Variants in TMTC2 observed in about 807,000 individuals in gnomAD.
The protein encoded by TMTC2 is protein O-mannosyl-transferase TMTC2.
Under a neutral mutation model 82.4 loss-of-function variants are expected in TMTC2, and 43 were observed. The observed-to-expected ratio is 0.52, with a 90% CI of 0.41 to 0.67. The LOEUF is 0.67. TMTC2 is among the 30% of genes least tolerant of loss of function. The pLI, the probability that TMTC2 is intolerant of heterozygous loss-of-function variation, is 0.00. For missense variants in TMTC2, 919 were observed against 1,012.4 expected (o/e 0.91, Z 1.25); for synonymous variants, 408 against 381.9 (o/e 1.07, Z -0.80).
At chr12:82,880,223 G>C (rs1872756995) in intron 2 of TMTC2, among the ~76,000 whole-genome samples, 1 of 152,174 alleles carries the variant, frequency 6.6e-6, no homozygotes, top group Non-Finnish European at 1.5e-5. Context: ...ACCTATTCAA[G>C]AGTGGAATTT....
intron 1 of TMTC2, among the ~76,000 whole-genome samples, chr12:82,724,478 G>T (rs1874354288): frequency 6.6e-6 from 1 of 152,134 alleles, no homozygotes; most frequent in South Asian, 2.1e-4. Context: ...AGATCTGATG[G>T]TTTAAAAGTG....
chr12:82,985,991 C>A lies in TMTC2; in HGVS notation c.2015C>A (p.Ser672Tyr). Residue 672 changes from serine to tyrosine, a missense_variant, in exon 8 of 12, where the codon TCC becomes TAC. Ser to Tyr is a moderately radical substitution (Grantham distance 144, BLOSUM62 -2). Transcript: ENST00000321196. ...AEHWYMESLR[S>Y]KTDHIPAHLT... is the part of the protein sequence containing the mutation. Reference sequence around the variant, plus strand: ...CATTGGTATATGGAATCACTGAGATCCAAGACTGACCACATCCCTGCTCAT... The same window carrying A: ...CATTGGTATATGGAATCACTGAGATACAAGACTGACCACATCCCTGCTCAT... 6.2e-7 allele frequency: 1 copy of A among 1,614,032 alleles called. No homozygotes were observed. The highest frequency in any genetic ancestry group is 8.5e-7 in the Non-Finnish European group (1 of 1,179,934).
At chr12:83,045,356 A>T (rs1882047913) in intron 9 of TMTC2, among the ~76,000 whole-genome samples, 1 of 152,190 alleles carries the variant, frequency 6.6e-6, no homozygotes, top group Admixed American at 6.5e-5. Context: ...CAACCAAAGA[A>T]ATGAAGTGTA....
chr12:82,872,020 C>A (rs1480010597), intron 2 of TMTC2, among the ~76,000 whole-genome samples: 1 of 141,326 alleles, frequency 7.1e-6, no homozygotes, highest in Non-Finnish European at 1.5e-5. Flanking sequence ...CCCCCCCGCC[C>A]ACACCCCGCA....
chr12:82,961,873 T>G (rs1304209460), intron 4 of TMTC2, among the ~76,000 whole-genome samples: 1 of 152,130 alleles, frequency 6.6e-6, no homozygotes, highest in African/African-American at 2.4e-5. Context: ...CATCCATTCT[T>G]GGGCATAGTT....
At chr12:83,116,453 A>G (rs1389121229) in intron 11 of TMTC2, among the ~76,000 whole-genome samples, 1 of 152,222 alleles carries the variant, frequency 6.6e-6, no homozygotes, top group Admixed American at 6.5e-5. Flanking sequence ...GTAGATACCC[A>G]CTAGTGGGAT....
At chr12:82,836,638 T>C (rs1230311458) in intron 1 of TMTC2, among the ~76,000 whole-genome samples, 2 of 152,324 alleles carry the variant, frequency 1.3e-5, no homozygotes, top group South Asian at 2.1e-4. Flanking sequence ...TTTGGACTTA[T>C]GACCTCCAGA....
intron 9 of TMTC2, among the ~76,000 whole-genome samples, chr12:83,039,081 G>A (rs1257419686): frequency 2.0e-5 from 3 of 151,884 alleles, no homozygotes; most frequent in Non-Finnish European, 2.9e-5. Context: ...ATAGGCACCC[G>A]CCACCATGCC....
At chr12:82,811,882 A>T (rs1868415576) in intron 1 of TMTC2, among the ~76,000 whole-genome samples, 1 of 124,556 alleles carries the variant, frequency 8.0e-6, no homozygotes, top group Non-Finnish European at 1.5e-5. Flanking sequence ...CAGTGGTGTG[A>T]TCTCAGCTCA....
chr12:82,927,075 A>G lies in TMTC2; in HGVS notation c.1484-3356A>G, dbSNP rs567016964. Among the ~76,000 whole-genome samples, 248 of 152,320 alleles carry G rather than the reference A, an allele frequency of 1.6e-3. 1 individual carries two copies. The highest frequency in any genetic ancestry group is 2.6e-3 in the Non-Finnish European group (174 of 68,020). ...TTTGACTTTCAAGTCTTCTAATTTAAGAAGTAACTTTTTGTAAGGATGTAG... is the reference window on the plus strand; with the variant it reads ...TTTGACTTTCAAGTCTTCTAATTTAGGAAGTAACTTTTTGTAAGGATGTAG... On this transcript the variant is annotated intron_variant, in intron 3 of 11. Transcript: ENST00000321196.
intron 3 of TMTC2, among the ~76,000 whole-genome samples, chr12:82,921,675 C>G (rs1334473140): frequency 6.6e-6 from 1 of 152,038 alleles, no homozygotes; most frequent in Non-Finnish European, 1.5e-5. Flanking sequence ...TGGGAAAAAA[C>G]TTTTCAAAAT....
chr12:82,798,336 C>T (rs1039750531), intron 1 of TMTC2, among the ~76,000 whole-genome samples: 2 of 150,110 alleles, frequency 1.3e-5, no homozygotes, highest in African/African-American at 2.4e-5. Flanking sequence ...CTTTGGGAGG[C>T]CGAGGCCGGT....
intron 11 of TMTC2, among the ~76,000 whole-genome samples, chr12:83,092,906 G>A (rs2137521727): frequency 6.6e-6 from 1 of 152,294 alleles, no homozygotes; most frequent in Middle Eastern, 3.4e-3. Context: ...TAAGCAAATA[G>A]GTATTTGAAA....
At chr12:82,815,206 A>C (rs1868622946) in intron 1 of TMTC2, among the ~76,000 whole-genome samples, 2 of 150,242 alleles carry the variant, frequency 1.3e-5, no homozygotes, top group Non-Finnish European at 3.0e-5. Flanking sequence ...TCTGTGGCCC[A>C]GGCTGGATGG....
intron 4 of TMTC2, among the ~76,000 whole-genome samples, chr12:82,947,340 T>C (rs1020504030): frequency 4.0e-5 from 6 of 151,438 alleles, no homozygotes; most frequent in African/African-American, 1.5e-4. Flanking sequence ...TTTTTCTTTT[T>C]TTTTCTTTTT....
chr12:82,960,230 G>A (rs963583485), intron 4 of TMTC2, among the ~76,000 whole-genome samples: 31 of 151,800 alleles, frequency 2.0e-4, no homozygotes, highest in African/African-American at 7.0e-4. Flanking sequence ...GAGATTTCTC[G>A]AAGAACTTAA....
At chr12:82,845,155 G>A (rs1237333595) in intron 1 of TMTC2, among the ~76,000 whole-genome samples, 1 of 143,616 alleles carries the variant, frequency 7.0e-6, no homozygotes, top group African/African-American at 2.6e-5. Flanking sequence ...CTTGAACCTG[G>A]GAGACAGAGG....
intron 1 of TMTC2, among the ~76,000 whole-genome samples, chr12:82,688,908 C>T (rs150768406): frequency 8.9e-4 from 136 of 152,318 alleles, no homozygotes; most frequent in African/African-American, 3.0e-3. Flanking sequence ...CTGCTAAAAG[C>T]ATCTTCACAT....
At chr12:82,952,278 CTTAAT>C (rs927232229) in intron 4 of TMTC2, among the ~76,000 whole-genome samples, 31 of 152,042 alleles carry the variant, frequency 2.0e-4, no homozygotes, top group African/African-American at 7.5e-4. Context: ...TGTCTAGGAA[CTTAAT>C]TTAAGAGTTC....
Sources: gnomAD v4.1 joint callset for allele counts (sites outside exome capture counted in the v4.1 genomes callset) on GRCh38, gnomAD v4.1.1 for gene constraint, MANE v1.5 for transcripts, NCBI Gene and HGNC (gene_info 2026-07-23, HGNC 2026-07-21) for gene names.